EXOC6B: variants seen among roughly 807,000 people sequenced by gnomAD.
The protein encoded by EXOC6B is SEC15 homolog B.
In EXOC6B, 54 loss-of-function variants were observed where a neutral mutation model predicts 113.5. The ratio of observed to expected loss-of-function variants is 0.48; its 90% CI spans 0.38 to 0.60. The LOEUF is 0.60. EXOC6B is among the 20% of genes least tolerant of loss of function. The pLI, the probability that EXOC6B is intolerant of heterozygous loss-of-function variation, is 0.00. For missense variants in EXOC6B, 797 were observed against 977.5 expected (o/e 0.82, Z 2.46); for synonymous variants, 357 against 339.0 (o/e 1.05, Z -0.58).
chr2:72,401,495 ATATATATATATAT>A (rs1693159228), intron 18 of EXOC6B, among the ~76,000 whole-genome samples: 1 of 45,382 alleles, frequency 2.2e-5, no homozygotes, highest in Non-Finnish European at 3.3e-5. Flanking sequence ...TTTTATATAC[ATATATATATATAT>A]ATATATACAT....
Position 72,176,503 on chromosome 2 carries a change from AG to A in EXOC6B, c.*2831del, listed in dbSNP as rs1295619247. 6.6e-6 allele frequency: 1 copy of A among 152,192 alleles called. No individual in the cohort carries two copies. The highest frequency in any genetic ancestry group is 1.5e-5 in the Non-Finnish European group (1 of 68,042). The allele number at this position is 152,192 out of a possible 1,614,324, so 9.4% of individuals were successfully genotyped here. A position where few individuals can be genotyped will look rare whatever the true frequency, so the allele number is the denominator to read the frequency against. On this transcript the variant is annotated 3_prime_UTR_variant, in exon 22 of 22. Coordinates refer to ENST00000272427, the MANE Select transcript of EXOC6B (RefSeq NM_015189.3). ...GTACAGTAAGGCTAGACTGACTTGG[AG>A]GACTGGTATGCAATGAGAACAGTGG...
At chr2:72,640,484 G>A (rs1386676951) in intron 6 of EXOC6B, among the ~76,000 whole-genome samples, 2 of 152,218 alleles carry the variant, frequency 1.3e-5, no homozygotes, top group South Asian at 2.1e-4. Flanking sequence ...AGCTGGAGAG[G>A]CCAGCATTCA....
At chr2:72,416,164 C>T (rs1024169290) in intron 18 of EXOC6B, among the ~76,000 whole-genome samples, 42 of 152,146 alleles carry the variant, frequency 2.8e-4, no homozygotes, top group Admixed American at 2.5e-3. Context: ...ACATCCATCC[C>T]TTTTGTTTAC....
At chr2:72,564,778 A>T (rs981310611) in intron 7 of EXOC6B, among the ~76,000 whole-genome samples, 8 of 152,350 alleles carry the variant, frequency 5.3e-5, no homozygotes, top group Admixed American at 4.6e-4. Flanking sequence ...GACTAGAATT[A>T]GCAAAAGCAT....
chr2:72,445,780 T>C (rs1696537888), intron 18 of EXOC6B, among the ~76,000 whole-genome samples: 1 of 152,152 alleles, frequency 6.6e-6, no homozygotes, highest in African/African-American at 2.4e-5. Flanking sequence ...AAGATGAGAT[T>C]TGGGTGGGGA....
intron 18 of EXOC6B, among the ~76,000 whole-genome samples, chr2:72,447,082 G>A (rs639843): frequency 0.37 from 56,424 of 151,026 alleles, 15,778 homozygotes; most frequent in African/African-American, 0.79. Context: ...CTAGTCTGGC[G>A]ACAGAGTGAG....
intron 20 of EXOC6B, among the ~76,000 whole-genome samples, chr2:72,230,006 C>T (rs549583525): frequency 4.1e-4 from 62 of 150,662 alleles, no homozygotes; most frequent in African/African-American, 1.4e-3. Context: ...AAGGAACAGA[C>T]AAAGCAGGAA....
intron 20 of EXOC6B, among the ~76,000 whole-genome samples, chr2:72,243,084 T>C (rs1255678474): frequency 6.6e-6 from 1 of 152,084 alleles, no homozygotes. Context: ...CATGCTGCTA[T>C]AAGGACATAC....
intron 18 of EXOC6B, among the ~76,000 whole-genome samples, chr2:72,434,854 C>T (rs1695756129): frequency 6.6e-6 from 1 of 152,076 alleles, no homozygotes; most frequent in South Asian, 2.1e-4. Context: ...TTCAAAAAAC[C>T]AGCTCTTGGA....
chr2:72,660,585 AT>A (rs1469728089), intron 6 of EXOC6B, among the ~76,000 whole-genome samples: 1 of 152,192 alleles, frequency 6.6e-6, no homozygotes, highest in African/African-American at 2.4e-5. Flanking sequence ...TTCTGTAATT[AT>A]TTGGTCTACA....
chr2:72,318,527 G>C (rs6737099), intron 20 of EXOC6B, among the ~76,000 whole-genome samples: 1 of 151,988 alleles, frequency 6.6e-6, no homozygotes, highest in African/African-American at 2.4e-5. Flanking sequence ...TCGAGTAGCT[G>C]GGACTACAGG....
At chr2:72,320,395 A>G (rs1419861091) in intron 20 of EXOC6B, among the ~76,000 whole-genome samples, 3 of 152,058 alleles carry the variant, frequency 2.0e-5, no homozygotes, top group Non-Finnish European at 4.4e-5. Flanking sequence ...AATTGAACAT[A>G]ATATAGAGAA....
intron 6 of EXOC6B, among the ~76,000 whole-genome samples, chr2:72,678,860 T>G (rs1289453946): frequency 6.6e-6 from 1 of 152,188 alleles, no homozygotes; most frequent in East Asian, 1.9e-4. Flanking sequence ...CTAATTAAAA[T>G]TTGTGAGGAC....
At chr2:72,367,224 T>C (rs1690677422) in intron 19 of EXOC6B, among the ~76,000 whole-genome samples, 1 of 152,138 alleles carries the variant, frequency 6.6e-6, no homozygotes, top group Non-Finnish European at 1.5e-5. Flanking sequence ...AATATTATTT[T>C]AAGGTATTCT....
chr2:72,616,562 A>G (rs1343682024), intron 6 of EXOC6B, among the ~76,000 whole-genome samples: 2 of 152,224 alleles, frequency 1.3e-5, no homozygotes, highest in African/African-American at 4.8e-5. Flanking sequence ...CACGTCTTAC[A>G]TGGATGGCAG....
intron 19 of EXOC6B, among the ~76,000 whole-genome samples, chr2:72,364,960 C>A (rs1690530635): frequency 6.6e-6 from 1 of 152,070 alleles, no homozygotes; most frequent in Non-Finnish European, 1.5e-5. Context: ...ATTCTCATCT[C>A]AAGAATCAAT....
At chr2:72,199,402 T>C (rs1257489046) in intron 20 of EXOC6B, among the ~76,000 whole-genome samples, 1 of 152,226 alleles carries the variant, frequency 6.6e-6, no homozygotes, top group Non-Finnish European at 1.5e-5. Context: ...AATACGTGTT[T>C]GTATTTGGGA....
chr2:72,352,330 A>T (rs1689699068), intron 19 of EXOC6B, among the ~76,000 whole-genome samples: 1 of 152,174 alleles, frequency 6.6e-6, no homozygotes, highest in African/African-American at 2.4e-5. Flanking sequence ...AGCACAGAAC[A>T]TTAAAGGCAA....
At position 72,499,651 on chromosome 2, in the gene EXOC6B, CA is replaced by C. The variant is rs201020429; in HGVS notation, c.1239+249del. ...CAGGCAATCCTCTCACCTCTGCCCC[CA>C]GAGTGCCTGGGACTACAGGAATGTG... On this transcript the variant is annotated intron_variant, in intron 12 of 21. Transcript: ENST00000272427. Among the ~76,000 whole-genome samples, 628 of 152,114 alleles carry C rather than the reference CA, an allele frequency of 4.1e-3. 6 individuals are homozygous for C. Among genetic ancestry groups the C allele is most frequent in the African/African-American group, 0.014 (571 of 41,494 alleles).
Sources: gnomAD v4.1 joint callset for allele counts (sites outside exome capture counted in the v4.1 genomes callset) on GRCh38, gnomAD v4.1.1 for gene constraint, MANE v1.5 for transcripts, NCBI Gene and HGNC (gene_info 2026-07-23, HGNC 2026-07-21) for gene names.